Variants in ANGPT1 observed in about 807,000 individuals in gnomAD.
ANGPT1 encodes the protein angiopoietin-1.
Under a neutral mutation model 62.2 loss-of-function variants are expected in ANGPT1, and 17 were observed. The ratio of observed to expected loss-of-function variants is 0.27; its 90% confidence interval spans 0.19 to 0.41. ANGPT1 has a LOEUF of 0.41. ANGPT1 is among the 10% of genes least tolerant of loss of function. The pLI, the probability that ANGPT1 is intolerant of heterozygous loss-of-function variation, is 1.00. For synonymous variants in ANGPT1, 199 were observed against 198.9 expected (o/e 1.00, Z 0.00); for missense variants, 478 against 594.9 (o/e 0.80, Z 2.04).
At chr8:107,466,777 T>A (rs1213617296) in intron 1 of ANGPT1, among the ~76,000 whole-genome samples, 1 of 151,966 alleles carries the variant, frequency 6.6e-6, no homozygotes, top group Non-Finnish European at 1.5e-5. Context: ...CTCGGTGTGG[T>A]GGCAGTCGCC....
chr8:107,249,546 G>A lies in ANGPT1; in HGVS notation c.*2309C>T, dbSNP rs1813201573. On this transcript the variant is annotated 3_prime_UTR_variant, in exon 9 of 9. Coordinates refer to ENST00000517746, the MANE Select transcript of ANGPT1 (RefSeq NM_001146.5). ...ATGTTGTGATGATATGAAGAACTTT[G>A]CATAGAAACCACATGAATTTTAAAG... is the stretch of plus-strand genomic sequence containing the variant. 1 of 152,022 alleles carries A rather than the reference G, an allele frequency of 6.6e-6. No individual in the cohort carries two copies. The highest frequency in any genetic ancestry group is 2.4e-5 in the African/African-American group (1 of 41,400). The allele number at this position is 152,022 out of a possible 1,614,324, so 9.4% of individuals were successfully genotyped here.
chr8:107,462,530 C>A (rs1812096480), intron 1 of ANGPT1, among the ~76,000 whole-genome samples: 1 of 151,878 alleles, frequency 6.6e-6, no homozygotes, highest in African/African-American at 2.4e-5. Context: ...AGGTTGCTGG[C>A]ACACATACTT....
rs548256692 is a variant in ANGPT1 at position 107,495,523 on chromosome 8, GT to G, written c.297+1738del. 1.6e-3 allele frequency among the ~76,000 whole-genome samples: 246 copies of G among 152,170 alleles called. 1 individual carries two copies. Among genetic ancestry groups the G allele is most frequent in the Non-Finnish European group, 2.8e-3 (192 of 68,028 alleles). ...AGCAACAAGAAATATGCATTACTATGTTTGAATCACTATTGTGATTATACGC... is the reference window on the plus strand; with the variant it reads ...AGCAACAAGAAATATGCATTACTATGTTGAATCACTATTGTGATTATACGC... On this transcript the variant is annotated intron_variant, in intron 1 of 8. Coordinates refer to ENST00000517746, the MANE Select transcript of ANGPT1 (RefSeq NM_001146.5).
intron 1 of ANGPT1, among the ~76,000 whole-genome samples, chr8:107,418,431 G>A (rs527406756): frequency 1.3e-5 from 2 of 152,266 alleles, no homozygotes; most frequent in East Asian, 3.9e-4. Context: ...ATGATACCAA[G>A]TTGCTTAGTA....
intron 4 of ANGPT1, among the ~76,000 whole-genome samples, chr8:107,312,490 A>G (rs1378498550): frequency 1.3e-5 from 2 of 152,228 alleles, no homozygotes; most frequent in Non-Finnish European, 2.9e-5. Context: ...CAGTTGCCAG[A>G]TGTTTTTGAA....
At position 107,336,623 on chromosome 8, in the gene ANGPT1, C is replaced by T. The variant is rs568296580; in HGVS notation, c.454-352G>A. On this transcript the variant is annotated intron_variant, in intron 2 of 8. Transcript: ENST00000517746. ...GAGCTTGCAGTGAGCCGGGATCGCG[C>T]CACTGCACTCCAGCCTGGGCGACAG... is the stretch of plus-strand genomic sequence containing the variant. 2.0e-4 allele frequency: 31 copies of T among 152,256 alleles called. 1 individual carries two copies. In the South Asian group the frequency reaches 5.8e-3, roughly 28 times the overall value. The allele number at this position is 152,256 out of a possible 1,614,324, so 9.4% of individuals were successfully genotyped here. A position where few individuals can be genotyped will look rare whatever the true frequency, so the allele number is the denominator to read the frequency against.
intron 7 of ANGPT1, among the ~76,000 whole-genome samples, chr8:107,268,729 A>G (rs931468895): frequency 6.6e-6 from 1 of 152,124 alleles, no homozygotes; most frequent in African/African-American, 2.4e-5. Context: ...TATTCTAATA[A>G]GGTGTGAACA....
chr8:107,457,205 T>C (rs1019354205), intron 1 of ANGPT1, among the ~76,000 whole-genome samples: 3 of 152,120 alleles, frequency 2.0e-5, no homozygotes, highest in Admixed American at 6.6e-5. Flanking sequence ...TGTCACTACA[T>C]AGAGGTATAT....
chr8:107,380,359 T>TTGTG (rs71308731), intron 1 of ANGPT1, among the ~76,000 whole-genome samples: 4,193 of 148,760 alleles, frequency 0.028, 138 homozygotes, highest in African/African-American at 0.081. Context: ...TGCAGGATGT[T>TTGTG]TGTGTGTGTG....
At chr8:107,255,463 G>A (rs1330440506) in intron 8 of ANGPT1, among the ~76,000 whole-genome samples, 3 of 152,172 alleles carry the variant, frequency 2.0e-5, no homozygotes, top group Non-Finnish European at 4.4e-5. Context: ...GGGAAGCCTG[G>A]AGAGCGCCGG....
At chr8:107,294,922 C>A (rs1311447746) in intron 5 of ANGPT1, 1 of 152,110 alleles carries the variant, frequency 6.6e-6, no homozygotes, top group Admixed American at 6.6e-5. Flanking sequence ...AACACTATTT[C>A]CTCAACAACT....
At chr8:107,330,067 A>G (rs1815384804) in intron 3 of ANGPT1, among the ~76,000 whole-genome samples, 1 of 152,112 alleles carries the variant, frequency 6.6e-6, no homozygotes, top group African/African-American at 2.4e-5. Context: ...CCAAGGATGA[A>G]CAGAAATTTG....
rs556223090 is a variant in ANGPT1, at chr8:107,345,262, G to A, written c.453+1680C>T. On this transcript the variant is annotated intron_variant, in intron 2 of 8. Transcript: ENST00000517746. ...TTTGATAGTAAGTTTTGGCTGCTTC[G>A]TATAAGGAGTAGTTATTCTTTTTCA... is the stretch of plus-strand genomic sequence containing the variant. Among the ~76,000 whole-genome samples, 168 of 152,194 alleles carry A rather than the reference G, an allele frequency of 1.1e-3. 2 individuals carry two copies. In the South Asian group the frequency reaches 0.014, roughly 12 times the overall value.
intron 3 of ANGPT1, among the ~76,000 whole-genome samples, chr8:107,326,499 T>G (rs914156582): frequency 1.3e-5 from 2 of 152,058 alleles, no homozygotes; most frequent in African/African-American, 4.8e-5. Flanking sequence ...ACTACACTCA[T>G]CCCCTTTTTT....
At chr8:107,397,925 G>A (rs1358385364) in intron 1 of ANGPT1, among the ~76,000 whole-genome samples, 2 of 152,050 alleles carry the variant, frequency 1.3e-5, no homozygotes, top group East Asian at 1.9e-4. Context: ...AAGGACTTTG[G>A]TTTCCTATGA....
chr8:107,459,834 CA>C (rs1348371739), intron 1 of ANGPT1, among the ~76,000 whole-genome samples: 2 of 152,164 alleles, frequency 1.3e-5, no homozygotes, highest in African/African-American at 4.8e-5. Context: ...GTGAACAGCA[CA>C]GGGTGTTGAA....
At chr8:107,367,453 T>C (rs1464286030) in intron 1 of ANGPT1, among the ~76,000 whole-genome samples, 1 of 152,138 alleles carries the variant, frequency 6.6e-6, no homozygotes, top group East Asian at 1.9e-4. Context: ...TTGCTAAAGG[T>C]TGGAGTGGCT....
intron 7 of ANGPT1, among the ~76,000 whole-genome samples, chr8:107,274,371 T>G (rs1216745532): frequency 6.6e-6 from 1 of 152,040 alleles, no homozygotes; most frequent in African/African-American, 2.4e-5. Context: ...TATAATAACT[T>G]TTAAGAGAGT....
intron 8 of ANGPT1, among the ~76,000 whole-genome samples, chr8:107,260,341 T>C (rs954447130): frequency 1.3e-5 from 2 of 152,008 alleles, no homozygotes; most frequent in African/African-American, 2.4e-5. Flanking sequence ...GAAAAATATA[T>C]AAATAAACAA....
Sources: gnomAD v4.1 joint callset for allele counts (sites outside exome capture counted in the v4.1 genomes callset) on GRCh38, gnomAD v4.1.1 for gene constraint, MANE v1.5 for transcripts, NCBI Gene and HGNC (gene_info 2026-07-23, HGNC 2026-07-21) for gene names.